NPTX2: variants seen among roughly 807,000 people sequenced by gnomAD.
The protein encoded by NPTX2 is neuronal pentraxin 2.
Under a neutral mutation model 38.1 loss-of-function variants are expected in NPTX2, and 23 were observed. The ratio of observed to expected loss-of-function variants is 0.60; its 90% CI spans 0.43 to 0.85. The LOEUF is 0.85. NPTX2 is among the 40% of genes least tolerant of loss of function. NPTX2 has a pLI of 0.00. For missense variants in NPTX2, 553 were observed against 615.3 expected, an observed-to-expected ratio of 0.90 and a Z score of 1.07; for synonymous variants, 291 against 287.3, an observed-to-expected ratio of 1.01 and a Z score of -0.13.
chr7:98,619,847 G>A lies in NPTX2; in HGVS notation c.631G>A (p.Glu211Lys). The A allele has an allele frequency of 1.9e-6, 3 of 1,613,628 alleles. No homozygotes were observed. The highest frequency in any genetic ancestry group is 2.5e-6 in the Non-Finnish European group (3 of 1,179,908). ...TLNALLQRVTELERGNSAFKS... is the reference protein window; with the variant it reads ...TLNALLQRVTKLERGNSAFKS... ...GAACGCGCTGCTGCAGAGGGTCACC[G>A]AGCTGGAGCGAGGTGTGTGCCTGGC... The change falls in exon 2 of 5, where the codon GAG (glutamate) becomes AAG (lysine). Residue 211 changes from glutamate to lysine, a missense_variant. By Grantham distance (56) the Glu-to-Lys change is moderately conservative (BLOSUM62 1). Coordinates refer to ENST00000265634, the MANE Select transcript of NPTX2 (RefSeq NM_002523.3).
Position 98,628,545 on chromosome 7 carries a change from G to A in NPTX2, c.1212G>A (p.Pro404=), listed in dbSNP as rs369651945. Residue 404 remains proline (P), a synonymous_variant, in exon 5 of 5, where the codon CCG becomes CCA. Transcript: ENST00000265634. ...CSTNMPGNII[P]WVDNNVDVFG... ...CAAACATGCCGGGCAACATCATCCC[G>A]TGGGTGGACAATAACGTCGATGTGT... 2.0e-5 allele frequency: 33 copies of A among 1,611,806 alleles called. No individual in the cohort carries two copies. The highest frequency in any genetic ancestry group is 5.3e-5 in the African/African-American group (4 of 74,910).
At position 98,617,319 on chromosome 7, in the gene NPTX2, G is replaced by C. The variant is rs1791182502; in HGVS notation, c.-143G>C. On this transcript the variant is annotated 5_prime_UTR_variant, in exon 1 of 5. Coordinates refer to ENST00000265634, the MANE Select transcript of NPTX2 (RefSeq NM_002523.3). ...AGCAGCGCGGTGGGTGCGGCTGTGAGACGGCAGGAGACTTCTGCCCCGCGG... is the reference window on the plus strand; with the variant it reads ...AGCAGCGCGGTGGGTGCGGCTGTGACACGGCAGGAGACTTCTGCCCCGCGG... 1 of 285,574 alleles carries C rather than the reference G, an allele frequency of 3.5e-6. No individual in the cohort carries two copies. Among genetic ancestry groups the C allele is most frequent in the African/African-American group, 2.2e-5 (1 of 44,830 alleles). 17.7% of individuals were successfully genotyped at this position (285,574 alleles called of 1,614,324 possible). A position where few individuals can be genotyped will look rare whatever the true frequency, so the allele number is the denominator to read the frequency against.
Position 98,628,727 on chromosome 7 carries a change from A to G in NPTX2, c.*98A>G. 1.7e-6 allele frequency: 1 copy of G among 604,428 alleles called. No individual in the cohort carries two copies. The allele number at this position is 604,428 out of a possible 1,614,324, so 37.4% of individuals were successfully genotyped here. ...CTTAAACTCTTGTCAGTCTGGGCTC[A>G]GGGTTCCCAGAGCTCATTCCCCAGG... On this transcript the variant is annotated 3_prime_UTR_variant, in exon 5 of 5. Coordinates refer to ENST00000265634, the MANE Select transcript of NPTX2 (RefSeq NM_002523.3).
intron 1 of NPTX2, 21 bp from the exon 2 acceptor site, chr7:98,619,622 C>G: frequency 6.3e-7 from 1 of 1,597,610 alleles, no homozygotes; most frequent in South Asian, 1.1e-5. Context: ...GTGCCCCTCC[C>G]TCCTCCCCGG....
intron 1 of NPTX2, among the ~76,000 whole-genome samples, chr7:98,618,577 TCCCC>T (rs1562848965): frequency 4.6e-5 from 1 of 21,508 alleles, no homozygotes; most frequent in African/African-American, 2.5e-4. Context: ...TCTCCCCCCC[TCCCC>T]CCCTCCCCCT....
chr7:98,621,937 G>A (rs1255921520), intron 2 of NPTX2, among the ~76,000 whole-genome samples: 1 of 152,234 alleles, frequency 6.6e-6, no homozygotes, highest in Non-Finnish European at 1.5e-5. Flanking sequence ...CCCCAGCCCT[G>A]CTGCGTCGGA....
At chr7:98,620,670 G>A (rs1791256193) in intron 2 of NPTX2, among the ~76,000 whole-genome samples, 1 of 152,146 alleles carries the variant, frequency 6.6e-6, no homozygotes, top group Admixed American at 6.5e-5. Flanking sequence ...TGAAGGTAAA[G>A]CAGCCGTTGC....
chr7:98,623,055 A>G (rs1050521426), intron 2 of NPTX2, among the ~76,000 whole-genome samples: 2 of 152,114 alleles, frequency 1.3e-5, no homozygotes, highest in African/African-American at 4.8e-5. Flanking sequence ...AGGTTTATCT[A>G]TTCTGGCTCA....
At chr7:98,627,455 GC>G in intron 4 of NPTX2, 111 bp downstream of exon 4, 1 of 849,162 alleles carries the variant, frequency 1.2e-6, no homozygotes, top group Non-Finnish European at 1.8e-6. Context: ...GCAGCACGAG[GC>G]CAGGCCTGCA....
At chr7:98,627,366 GTGGGCACAGGGTGGGTGCAGGA>G (rs759896192) in intron 4 of NPTX2, 22 bp downstream of exon 4, 70 of 1,608,542 alleles carry the variant, frequency 4.4e-5, no homozygotes, top group South Asian at 3.4e-4. Flanking sequence ...GCAGGTGCAG[GTGGGCACAGGGTGGGTGCAGGA>G]TGGGCACAGG....
At chr7:98,626,146 CAAAAAAAAAAAAAAA>C (rs561364197) in intron 3 of NPTX2, among the ~76,000 whole-genome samples, 1 of 71,430 alleles carries the variant, frequency 1.4e-5, no homozygotes, top group Non-Finnish European at 3.3e-5. Flanking sequence ...TACCCTGTCT[CAAAAAAAAAAAAAAA>C]AAAAAAAAGG....
rs774900455 is a variant in NPTX2, at chr7:98,617,702, C to G, written c.241C>G (p.Arg81Gly). Residue 81 changes from arginine to glycine, a missense_variant, in exon 1 of 5, where the codon CGC becomes GGC. Coordinates refer to ENST00000265634, the MANE Select transcript of NPTX2 (RefSeq NM_002523.3). ...GCAGAAGGAGACGCTGGGCGCGCAG[C>G]GCGAGGCCATCCGCGAGCTCACGGG... ...VQQKETLGAQ[R>G]EAIRELTGKL... 1.0e-4 allele frequency: 145 copies of G among 1,441,662 alleles called. 3 individuals are homozygous for G. In the Admixed American group the frequency reaches 4.1e-3, roughly 41 times the overall value. The allele number at this position is 1,441,662 out of a possible 1,614,324, so 89.3% of individuals were successfully genotyped here. A position where few individuals can be genotyped will look rare whatever the true frequency, so the allele number is the denominator to read the frequency against.
intron 2 of NPTX2, among the ~76,000 whole-genome samples, chr7:98,621,854 T>A (rs1297368157): frequency 6.6e-6 from 1 of 152,204 alleles, no homozygotes; most frequent in Non-Finnish European, 1.5e-5. Flanking sequence ...TGCCAGCAGA[T>A]TGCAGAGCTG....
chr7:98,629,782 A>G lies in NPTX2; in HGVS notation c.*1153A>G, dbSNP rs575820781. 6.6e-6 allele frequency: 1 copy of G among 152,556 alleles called. No homozygotes were observed. Among genetic ancestry groups the G allele is most frequent in the Non-Finnish European group, 1.5e-5 (1 of 68,036 alleles). 9.5% of individuals were successfully genotyped at this position (152,556 alleles called of 1,614,324 possible). Reference sequence around the variant, plus strand: ...GCAAATCTGTGGATATTCCATTTGTAGGACCAAGTCGACATGCCCATCCTG... The same window carrying G: ...GCAAATCTGTGGATATTCCATTTGTGGGACCAAGTCGACATGCCCATCCTG... On this transcript the variant is annotated 3_prime_UTR_variant, in exon 5 of 5. Transcript: ENST00000265634.
chr7:98,624,819 G>A lies in NPTX2; in HGVS notation c.644-103G>A, dbSNP rs576892718. ...GCTGGAGGGTCCATCAAGGCTGTGT[G>A]AGGGACCTTCTTGTGGGTCTAGCAA... On this transcript the variant is annotated intron_variant, in intron 2 of 4. Coordinates refer to ENST00000265634, the MANE Select transcript of NPTX2 (RefSeq NM_002523.3). The A allele has an allele frequency of 3.3e-4, 472 of 1,438,294 alleles. 8 individuals carry two copies. The South Asian group carries it at 5.7e-3, about 17-fold the overall frequency. The allele number at this position is 1,438,294 out of a possible 1,614,324, so 89.1% of individuals were successfully genotyped here. A position where few individuals can be genotyped will look rare whatever the true frequency, so the allele number is the denominator to read the frequency against.
Position 98,617,786 on chromosome 7 carries a change from G to A in NPTX2, c.325G>A (p.Gly109Ser), listed in dbSNP as rs763670265. 4.5e-5 allele frequency: 68 copies of A among 1,503,952 alleles called. 3 individuals are homozygous for A. In the South Asian group the frequency reaches 8.2e-4, roughly 18 times the overall value. The allele number at this position is 1,503,952 out of a possible 1,614,324, so 93.2% of individuals were successfully genotyped here. The part of the protein sequence containing the change: ...GGKARGAGAT[G>S]KDTMGDLPRD... ...CAAGGCGCGCGGCGCGGGGGCCACG[G>A]GCAAGGACACTATGGGCGACCTGCC... is the stretch of plus-strand genomic sequence containing the variant. Residue 109 changes from glycine (G) to serine (S), a missense_variant, in exon 1 of 5, where the codon GGC becomes AGC. By Grantham distance (56) the Gly-to-Ser change is moderately conservative. Transcript: ENST00000265634.
At chr7:98,624,208 C>T (rs1584142361) in intron 2 of NPTX2, among the ~76,000 whole-genome samples, 1 of 152,356 alleles carries the variant, frequency 6.6e-6, no homozygotes, top group South Asian at 2.1e-4. Context: ...CTTCCCACCT[C>T]AGCCTCCCAA....
intron 2 of NPTX2, among the ~76,000 whole-genome samples, chr7:98,620,336 G>A (rs1292223498): frequency 6.6e-6 from 1 of 152,148 alleles, no homozygotes; most frequent in Non-Finnish European, 1.5e-5. Flanking sequence ...GCACTAAGCT[G>A]ATGAAGCCAC....
rs73396950 is a variant in NPTX2, at chr7:98,620,929, A to G, written c.643+1070A>G. 8.3e-3 allele frequency among the ~76,000 whole-genome samples: 1,265 copies of G among 152,294 alleles called. 19 individuals carry two copies. Among genetic ancestry groups the G allele is most frequent in the African/African-American group, 0.029 (1,218 of 41,566 alleles). On this transcript the variant is annotated intron_variant, in intron 2 of 4. Coordinates refer to ENST00000265634, the MANE Select transcript of NPTX2 (RefSeq NM_002523.3). ...CATGAGGAGGTGGGTAAATAGCAGA[A>G]TAGTGAGCCAGAGCTTCAGTCATGC...
Sources: allele counts gnomAD v4.1 joint callset (sites outside exome capture counted in the v4.1 genomes callset), GRCh38; gene constraint gnomAD v4.1.1; transcripts MANE v1.5; gene names NCBI Gene and HGNC (gene_info 2026-07-23, HGNC 2026-07-21).